Variants in ALDH1L1 observed in about 807,000 individuals in gnomAD.
ALDH1L1 encodes the protein aldehyde dehydrogenase 1 family member L1.
In ALDH1L1, 68 loss-of-function variants were observed where a neutral mutation model predicts 101.1. The ratio of observed to expected loss-of-function variants is 0.67; its 90% CI spans 0.55 to 0.82. The LOEUF (loss-of-function observed/expected upper bound fraction) is 0.82. Among genes scored for constraint, ALDH1L1 ranks in the 40% least tolerant of loss-of-function variants. The pLI, the probability that ALDH1L1 is intolerant of heterozygous loss-of-function variation, is 0.00. For synonymous variants in ALDH1L1, 486 were observed against 470.8 expected (o/e 1.03, Z -0.42); for missense variants, 1,087 against 1,172.7 (o/e 0.93, Z 1.07).
At chr3:126,119,510 C>G (rs2080038638) in intron 16 of ALDH1L1, among the ~76,000 whole-genome samples, 1 of 152,164 alleles carries the variant, frequency 6.6e-6, no homozygotes, top group African/African-American at 2.4e-5. Flanking sequence ...CTGCACCTAT[C>G]CAGTCCCTCC....
intron 1 of ALDH1L1, among the ~76,000 whole-genome samples, chr3:126,191,958 C>T (rs376553644): frequency 6.6e-6 from 1 of 152,122 alleles, no homozygotes; most frequent in South Asian, 2.1e-4. Context: ...TAAGGAGGCG[C>T]TTCAGGAAAC....
intron 1 of ALDH1L1, among the ~76,000 whole-genome samples, chr3:126,190,467 C>T (rs893941010): frequency 2.0e-5 from 3 of 152,200 alleles, no homozygotes; most frequent in Non-Finnish European, 4.4e-5. Flanking sequence ...CTATCCAGGG[C>T]CTCCATGGGT....
chr3:126,131,858 C>T lies in ALDH1L1; in HGVS notation c.1473-324G>A, dbSNP rs140565326. ...GCATTCACCCACTTGCTGCAGACAG[C>T]AAAGGGGTCATGGCCCAAGAGGCTG... On this transcript the variant is annotated intron_variant, in intron 12 of 22. Coordinates refer to ENST00000393434, the MANE Select transcript of ALDH1L1 (RefSeq NM_012190.4). Among the ~76,000 whole-genome samples, 509 of 152,354 alleles carry T rather than the reference C, an allele frequency of 3.3e-3. 2 individuals carry two copies. Among genetic ancestry groups the T allele is most frequent in the African/African-American group, 0.012 (483 of 41,582 alleles).
chr3:126,187,337 G>T (rs950980270), intron 1 of ALDH1L1, among the ~76,000 whole-genome samples: 4 of 151,632 alleles, frequency 2.6e-5, no homozygotes, highest in African/African-American at 9.7e-5. Flanking sequence ...AGGAAGGGAG[G>T]GTGGGAGGAT....
chr3:126,181,474 A>G (rs539381996), upstream of ALDH1L1: 46 of 187,384 alleles, frequency 2.5e-4, no homozygotes, highest in African/African-American at 9.9e-4. Flanking sequence ...TTACCTCTCT[A>G]CTTGTAGTGT....
upstream of ALDH1L1, chr3:126,181,523 A>G (rs1221391680): frequency 5.9e-6 from 1 of 170,726 alleles, no homozygotes; most frequent in Non-Finnish European, 1.3e-5. Flanking sequence ...CACATATCAG[A>G]TATCTGATGC....
exon 1 of ALDH1L1, chr3:126,197,875 G>A (rs1358518903): frequency 1.3e-5 from 2 of 151,966 alleles, no homozygotes; most frequent in Admixed American, 1.3e-4. Context: ...CACAAATTGG[G>A]CAGCCCTCAG....
rs1479578082 is a variant in ALDH1L1 at position 126,196,963 on chromosome 3, A to G, written c.-24+772T>C. 1.3e-5 allele frequency among the ~76,000 whole-genome samples: 2 copies of G among 151,478 alleles called. 1 individual carries two copies. Among genetic ancestry groups the G allele is most frequent in the Non-Finnish European group, 2.9e-5 (2 of 67,920 alleles). The stretch of plus-strand genomic sequence containing the variant: ...GCTTGCAAAGCCTTTCAACTACTCA[A>G]GATAATTTTTAGAGTTTGCTGTGAC... On this transcript the variant is annotated intron_variant, in intron 1 of 2. Transcript: ENST00000509952.
chr3:126,132,833 G>A (rs545522576), intron 12 of ALDH1L1, among the ~76,000 whole-genome samples: 1 of 152,328 alleles, frequency 6.6e-6, no homozygotes, highest in South Asian at 2.1e-4. Context: ...GCTGCAGGAG[G>A]CAGGGCGCTG....
At chr3:126,155,690 G>A (rs1266591093) in intron 4 of ALDH1L1, 187 bp from the exon 5 acceptor site, 7 of 525,342 alleles carry the variant, frequency 1.3e-5, no homozygotes, top group South Asian at 5.5e-5. Context: ...ATTGCACAAC[G>A]GACACAGACC....
At chr3:126,107,525 A>G (rs1237734890) in intron 20 of ALDH1L1, among the ~76,000 whole-genome samples, 1 of 152,226 alleles carries the variant, frequency 6.6e-6, no homozygotes, top group Non-Finnish European at 1.5e-5. Context: ...TCCCAAGTCC[A>G]TCCAATCCTA....
Position 126,180,485 on chromosome 3 carries a change from G to T in ALDH1L1, c.-33C>A. The stretch of plus-strand genomic sequence containing the variant: ...GAGCCCAGAAACTCACCGCGCGCAG[G>T]AGTTGGTGCGGGCGTCCCGGGCAGG... On this transcript the variant is annotated 5_prime_UTR_variant, in exon 1 of 23. Coordinates refer to ENST00000393434, the MANE Select transcript of ALDH1L1 (RefSeq NM_012190.4). 1 of 996,566 alleles carries T rather than the reference G, an allele frequency of 1.0e-6. No homozygotes were observed. The highest frequency in any genetic ancestry group is 4.5e-5 in the South Asian group (1 of 22,118). The allele number at this position is 996,566 out of a possible 1,614,324, so 61.7% of individuals were successfully genotyped here.
At chr3:126,159,958 C>G (rs2081006529) in intron 2 of ALDH1L1, among the ~76,000 whole-genome samples, 1 of 152,188 alleles carries the variant, frequency 6.6e-6, no homozygotes. Flanking sequence ...CTTTCCTAAT[C>G]CTGGCCCTCT....
At position 126,155,469 on chromosome 3, in the gene ALDH1L1, G is replaced by T. The variant is rs1453652072; in HGVS notation, c.563C>A (p.Ala188Asp). The T allele has an allele frequency of 6.2e-7, 1 of 1,613,106 alleles. No homozygotes were observed. The highest frequency in any genetic ancestry group is 1.1e-5 in the South Asian group (1 of 90,752). ...QAVRLIAEGK[A>D]PRLPQPEEGA... Reference sequence around the variant, plus strand: ...TTCCTCAGGCTGAGGGAGTCTGGGGGCTTTGCCCTCAGCGATCAGCCTCAC... The same window carrying T: ...TTCCTCAGGCTGAGGGAGTCTGGGGTCTTTGCCCTCAGCGATCAGCCTCAC... Residue 188 changes from alanine to aspartate, a missense_variant, in exon 5 of 23, where the codon GCC becomes GAC. Ala to Asp is a moderately radical substitution (Grantham distance 126). Around this residue, in one of 2 missense-constraint regions of ALDH1L1, gnomAD observed 645 missense variants for 637.0 expected, o/e 1.01. Coordinates refer to ENST00000393434, the MANE Select transcript of ALDH1L1 (RefSeq NM_012190.4).
intron 16 of ALDH1L1, among the ~76,000 whole-genome samples, chr3:126,119,728 T>C (rs1456066053): frequency 1.3e-5 from 2 of 152,174 alleles, no homozygotes; most frequent in Admixed American, 1.3e-4. Context: ...GCAAAAGATA[T>C]ATCTGACAAA....
intron 6 of ALDH1L1, among the ~76,000 whole-genome samples, chr3:126,153,942 T>C (rs549335961): frequency 2.0e-5 from 3 of 152,304 alleles, no homozygotes; most frequent in South Asian, 2.1e-4. Context: ...GTTGCTTTGA[T>C]CAGAAGATGC....
At chr3:126,158,934 T>TC (rs143100236) in intron 2 of ALDH1L1, among the ~76,000 whole-genome samples, 3,214 of 152,200 alleles carry the variant, frequency 0.021, 53 homozygotes, top group Non-Finnish European at 0.035. Flanking sequence ...GGCCTTGCCA[T>TC]CCCCGTCACT....
chr3:126,195,855 C>T lies in ALDH1L1; in HGVS notation c.-24+1880G>A, dbSNP rs184333801. On this transcript the variant is annotated intron_variant, in intron 1 of 2. Transcript: ENST00000509952. ...GAAACCATCATTCTCAGCAAACTATCGCAAGGACAAAAAACCAAACACCGC... is the reference window on the plus strand; with the variant it reads ...GAAACCATCATTCTCAGCAAACTATTGCAAGGACAAAAAACCAAACACCGC... Among the ~76,000 whole-genome samples the T allele has an allele frequency of 3.7e-3, 569 of 152,240 alleles. 3 individuals carry two copies. The highest frequency in any genetic ancestry group is 0.013 in the African/African-American group (549 of 41,542).
At chr3:126,114,472 C>T in intron 18 of ALDH1L1, 85 bp downstream of exon 18, 3 of 1,107,640 alleles carry the variant, frequency 2.7e-6, no homozygotes, top group South Asian at 2.5e-5. Context: ...GTGAGTGTGG[C>T]TGTGGAATCA....
Sources: allele counts gnomAD v4.1 joint callset (sites outside exome capture counted in the v4.1 genomes callset), GRCh38; gene constraint gnomAD v4.1.1; regional missense constraint gnomAD v4.1.1; transcripts MANE v1.5; gene names NCBI Gene and HGNC (gene_info 2026-07-23, HGNC 2026-07-21).